The following SNRNP40 variants were observed in gnomAD, a reference collection of about 807,000 sequenced individuals.
SNRNP40 encodes small nuclear ribonucleoprotein U5 subunit 40.
A neutral mutation model predicts 45.8 loss-of-function variants in SNRNP40; 21 were observed. The observed-to-expected ratio is 0.46, with a 90% CI of 0.32 to 0.66. The LOEUF is 0.66. Ranked by LOEUF, SNRNP40 falls within the 30% of genes least tolerant of loss-of-function variation. The probability of loss-of-function intolerance (pLI) is 0.03; values close to 1 mark genes in which losing one functional copy is unlikely to be tolerated. For missense variants in SNRNP40, 344 were observed against 439.1 expected, an observed-to-expected ratio of 0.78 and a Z score of 1.94; for synonymous variants, 142 against 163.8, an observed-to-expected ratio of 0.87 and a Z score of 1.01.
intron 5 of SNRNP40, 116 bp downstream of exon 5, chr1:31,281,258 T>C: frequency 1.3e-6 from 1 of 775,830 alleles, no homozygotes; most frequent in Non-Finnish European, 2.0e-6. Flanking sequence ...TCCAAGTTAC[T>C]ATTTTCCTTT....
chr1:31,261,447 T>A, intron 9 of SNRNP40, 82 bp downstream of exon 9: 1 of 866,752 alleles, frequency 1.2e-6, no homozygotes, highest in Non-Finnish European at 1.9e-6. Context: ...ATAAAACAGA[T>A]ACCCGCTTTT....
At chr1:31,260,978 G>A in intron 9 of SNRNP40, 1 of 1,195,570 alleles carries the variant, frequency 8.4e-7, no homozygotes. Context: ...AGATCAAGAA[G>A]AAAATGGAGC....
At chr1:31,288,376 C>T (rs1646077112) in intron 4 of SNRNP40, among the ~76,000 whole-genome samples, 1 of 152,086 alleles carries the variant, frequency 6.6e-6, no homozygotes, top group Non-Finnish European at 1.5e-5. Context: ...ATTATTATTT[C>T]TAGGCCTCAG....
intron 4 of SNRNP40, among the ~76,000 whole-genome samples, chr1:31,286,466 T>C (rs946513946): frequency 6.6e-6 from 1 of 152,154 alleles, no homozygotes; most frequent in African/African-American, 2.4e-5. Context: ...ACTTGGGTCA[T>C]TCCTCTGTGT....
chr1:31,289,804 C>G (rs1265932769), intron 3 of SNRNP40, among the ~76,000 whole-genome samples: 1 of 152,188 alleles, frequency 6.6e-6, no homozygotes, highest in Non-Finnish European at 1.5e-5. Flanking sequence ...TGGTACCGAC[C>G]TGACAGCTGA....
At chr1:31,292,263 G>T (rs1354880132) in intron 2 of SNRNP40, among the ~76,000 whole-genome samples, 2 of 152,146 alleles carry the variant, frequency 1.3e-5, no homozygotes, top group African/African-American at 2.4e-5. Flanking sequence ...TTGGGAGACT[G>T]AGGCAGGAGA....
intron 6 of SNRNP40, chr1:31,269,685 T>G (rs1420080569): frequency 4.1e-6 from 1 of 242,226 alleles, no homozygotes; most frequent in Non-Finnish European, 7.8e-6. Flanking sequence ...CACCTGATAG[T>G]CTAAGACTGG....
intron 8 of SNRNP40, among the ~76,000 whole-genome samples, chr1:31,262,856 G>C (rs975703770): frequency 2.6e-5 from 4 of 151,914 alleles, no homozygotes; most frequent in Non-Finnish European, 5.9e-5. Context: ...AAAAAAATTA[G>C]CCAGGTGTAG....
intron 5 of SNRNP40, among the ~76,000 whole-genome samples, chr1:31,279,467 T>C (rs2148386161): frequency 6.6e-6 from 1 of 152,320 alleles, no homozygotes; most frequent in East Asian, 1.9e-4. Context: ...TAAGAAGTTT[T>C]GGGCCAGGCA....
At chr1:31,289,474 T>C in intron 3 of SNRNP40, 55 bp from the exon 4 acceptor site, 2 of 1,527,462 alleles carry the variant, frequency 1.3e-6, no homozygotes, top group Non-Finnish European at 1.8e-6. Context: ...ACAGTAACAA[T>C]CTATCTTTCC....
rs751637589 is a variant in SNRNP40, at chr1:31,289,433, G to A, written c.366-14C>T. On this transcript the variant is annotated splice_polypyrimidine_tract_variant and intron_variant, in intron 3 of 9. Coordinates refer to ENST00000263694, the MANE Select transcript of SNRNP40 (RefSeq NM_004814.3). ...GAGAAAAGCATACTAGAAAGTAAGAGAAAGAATAAAAAAGAAATAAGTGAA... is the reference window on the plus strand; with the variant it reads ...GAGAAAAGCATACTAGAAAGTAAGAAAAAGAATAAAAAAGAAATAAGTGAA... 6.2e-7 allele frequency: 1 copy of A among 1,603,750 alleles called. No homozygotes were observed. Among genetic ancestry groups the A allele is most frequent in the Middle Eastern group, 1.7e-4 (1 of 6,028 alleles).
chr1:31,271,879 T>A (rs1275728425), intron 5 of SNRNP40, among the ~76,000 whole-genome samples: 1 of 152,080 alleles, frequency 6.6e-6, no homozygotes, highest in East Asian at 1.9e-4. Flanking sequence ...CAAGCAATCC[T>A]CCCACCTCAT....
chr1:31,262,978 G>A (rs1389620191), intron 8 of SNRNP40, among the ~76,000 whole-genome samples: 1 of 151,504 alleles, frequency 6.6e-6, no homozygotes, highest in Non-Finnish European at 1.5e-5. Context: ...CCCCAGCCTG[G>A]GTGACAGAGT....
intron 8 of SNRNP40, among the ~76,000 whole-genome samples, chr1:31,267,081 T>C (rs1645902065): frequency 6.6e-6 from 1 of 152,112 alleles, no homozygotes; most frequent in Admixed American, 6.5e-5. Context: ...GGATGTAACA[T>C]AGAGGTGGTT....
At chr1:31,288,920 A>T (rs1357876216) in intron 4 of SNRNP40, among the ~76,000 whole-genome samples, 2 of 151,948 alleles carry the variant, frequency 1.3e-5, no homozygotes, top group African/African-American at 4.8e-5. Flanking sequence ...TTTAGTAGAG[A>T]CGGGGTTTCA....
At chr1:31,268,287 T>TTG in intron 7 of SNRNP40, among the ~76,000 whole-genome samples, 1 of 81,878 alleles carries the variant, frequency 1.2e-5, no homozygotes, top group East Asian at 3.5e-4. Context: ...AAATTTTGGG[T>TTG]TTTTTTTTTT....
Position 31,269,358 on chromosome 1 carries a change from G to C in SNRNP40, c.776-118C>G, listed in dbSNP as rs781587543. 6.7e-6 allele frequency: 10 copies of C among 1,498,220 alleles called. No individual in the cohort carries two copies. The East Asian group carries it at 2.2e-4, about 33-fold the overall frequency. 92.8% of individuals were successfully genotyped at this position (1,498,220 alleles called of 1,614,324 possible). A position where few individuals can be genotyped will look rare whatever the true frequency, so the allele number is the denominator to read the frequency against. ...AATGGCAGATGCTGTTTCCTCGGTG[G>C]GCAAAGTCCAACTTGACATACTGCT... On this transcript the variant is annotated intron_variant, in intron 6 of 9. Transcript: ENST00000263694.
intron 5 of SNRNP40, among the ~76,000 whole-genome samples, chr1:31,275,042 TAGGTGCTTAAA>T (rs887451068): frequency 1.1e-4 from 17 of 152,068 alleles, no homozygotes; most frequent in African/African-American, 3.6e-4. Flanking sequence ...GGTAAGCCTC[TAGGTGCTTAAA>T]AGGTGCTTGT....
At position 31,261,398 on chromosome 1, in the gene SNRNP40, C is replaced by T. The variant is rs998292167; in HGVS notation, c.1024+131G>A. On this transcript the variant is annotated intron_variant, in intron 9 of 9. Transcript: ENST00000263694. Reference sequence around the variant, plus strand: ...ACAACAAAAAAACCAACAACAACAACAACAAAAACACCCAAAGGCTGTTTG... The same window carrying T: ...ACAACAAAAAAACCAACAACAACAATAACAAAAACACCCAAAGGCTGTTTG... 1.7e-5 allele frequency: 11 copies of T among 642,712 alleles called. No homozygotes were observed. The African/African-American group carries it at 2.0e-4, about 12-fold the overall frequency. The allele number at this position is 642,712 out of a possible 1,614,324, so 39.8% of individuals were successfully genotyped here. A position where few individuals can be genotyped will look rare whatever the true frequency, so the allele number is the denominator to read the frequency against.
Sources: gnomAD v4.1 joint callset for allele counts (sites outside exome capture counted in the v4.1 genomes callset) on GRCh38, gnomAD v4.1.1 for gene constraint, MANE v1.5 for transcripts, NCBI Gene and HGNC (gene_info 2026-07-23, HGNC 2026-07-21) for gene names.